The following GBF1 variants were observed in gnomAD, a reference collection of about 807,000 sequenced individuals.
GBF1 encodes golgi brefeldin A resistant guanine nucleotide exchange factor 1.
In GBF1, 114 loss-of-function variants were observed where a neutral mutation model predicts 210.5. The observed-to-expected ratio is 0.54, with a 90% CI of 0.47 to 0.63. The LOEUF is 0.63. GBF1 is among the 30% of genes least tolerant of loss of function. GBF1 has a pLI of 0.00. For missense variants in GBF1, 1,851 were observed against 2,357.7 expected (o/e 0.79, Z 4.45); for synonymous variants, 850 against 889.2 (o/e 0.96, Z 0.78).
chr10:102,287,890 C>G (rs2076094807), intron 3 of GBF1, among the ~76,000 whole-genome samples: 1 of 152,128 alleles, frequency 6.6e-6, no homozygotes, highest in African/African-American at 2.4e-5. Flanking sequence ...GCTGGCCTTG[C>G]AGGAAGTTAA....
chr10:102,342,005 G>T (rs547744259), intron 3 of GBF1, among the ~76,000 whole-genome samples: 84 of 151,362 alleles, frequency 5.5e-4, no homozygotes, highest in African/African-American at 2.0e-3. Context: ...TCCTAAAGCA[G>T]CAAGACTAGA....
chr10:102,299,135 T>C (rs2077134454), intron 3 of GBF1, among the ~76,000 whole-genome samples: 3 of 152,208 alleles, frequency 2.0e-5, no homozygotes. Flanking sequence ...ATGAGGCACT[T>C]ACCATAAAAT....
At chr10:102,280,462 T>C (rs1452946108) in intron 3 of GBF1, among the ~76,000 whole-genome samples, 5 of 152,186 alleles carry the variant, frequency 3.3e-5, no homozygotes, top group Non-Finnish European at 7.3e-5. Flanking sequence ...GATAGCCTGA[T>C]CCTAGTGGGT....
At chr10:102,336,870 GTA>G (rs2057782770) in intron 3 of GBF1, among the ~76,000 whole-genome samples, 1 of 152,070 alleles carries the variant, frequency 6.6e-6, no homozygotes, top group Non-Finnish European at 1.5e-5. Flanking sequence ...TTTTTGTAGG[GTA>G]TGGTTTAATC....
the GBF1 span, among the ~76,000 whole-genome samples, chr10:102,239,463 G>A: frequency 6.6e-6 from 1 of 152,198 alleles, no homozygotes; most frequent in Non-Finnish European, 1.5e-5. Context: ...ACAAGCCCCT[G>A]AAAAGTGTAT....
At chr10:102,331,919 G>A (rs1349256570) in intron 3 of GBF1, among the ~76,000 whole-genome samples, 1 of 148,082 alleles carries the variant, frequency 6.8e-6, no homozygotes, top group Non-Finnish European at 1.5e-5. Flanking sequence ...GAGTGCAGTG[G>A]CGCAGTCTTG....
intron 1 of GBF1, among the ~76,000 whole-genome samples, chr10:102,252,846 CAA>C (rs1294805695): frequency 7.4e-5 from 10 of 135,294 alleles, no homozygotes; most frequent in Admixed American, 1.5e-4. Flanking sequence ...GACCCTGTTT[CAA>C]AAAAAAAAAA....
chr10:102,345,991 T>C (rs1445740599), intron 4 of GBF1, among the ~76,000 whole-genome samples: 4 of 152,176 alleles, frequency 2.6e-5, no homozygotes, highest in Non-Finnish European at 5.9e-5. Context: ...ATAACACAAT[T>C]CATGTGCTCA....
At chr10:102,274,689 C>G (rs1341526530) in intron 3 of GBF1, among the ~76,000 whole-genome samples, 1 of 129,306 alleles carries the variant, frequency 7.7e-6, no homozygotes, top group Non-Finnish European at 1.6e-5. Context: ...TCTACAGGTG[C>G]AAAACAAAGA....
At chr10:102,332,767 C>T (rs1236168829) in intron 3 of GBF1, among the ~76,000 whole-genome samples, 2 of 152,100 alleles carry the variant, frequency 1.3e-5, no homozygotes, top group Non-Finnish European at 2.9e-5. Context: ...CTGATTTTTA[C>T]CTTGATGCAG....
rs191866528 is a variant in GBF1, at chr10:102,285,474, A to G, written c.163+25358A>G. Among the ~76,000 whole-genome samples, 32 of 152,336 alleles carry G rather than the reference A, an allele frequency of 2.1e-4. No individual in the cohort carries two copies. In the East Asian group the frequency reaches 3.7e-3, roughly 17 times the overall value. ...CTACTTACAATGATACTATGTACAG[A>G]TATTAAAACTCTAATGTTCCCATCT... On this transcript the variant is annotated intron_variant, in intron 3 of 39. Transcript: ENST00000369983.
chr10:102,379,508 C>A lies in GBF1; in HGVS notation c.4646-13C>A. 1 of 1,614,146 alleles carries A rather than the reference C, an allele frequency of 6.2e-7. No homozygotes were observed. The highest frequency in any genetic ancestry group is 2.2e-5 in the East Asian group (1 of 44,884). ...AGATGCCTGAAGGATCCTGACCCTG[C>A]TCTTGCTCTCAGGTATTGCCTGCCT... On this transcript the variant is annotated splice_polypyrimidine_tract_variant and intron_variant, in intron 34 of 39. Coordinates refer to ENST00000369983, the MANE Select transcript of GBF1 (RefSeq NM_001377137.1).
At chr10:102,276,243 A>C (rs1257784484) in intron 3 of GBF1, among the ~76,000 whole-genome samples, 4 of 136,432 alleles carry the variant, frequency 2.9e-5, no homozygotes, top group African/African-American at 8.4e-5. Context: ...TCTCCAAAAA[A>C]AGGCCTGGCG....
rs745585494 is a variant in GBF1, at chr10:102,366,962, A to G, written c.2434-123A>G. On this transcript the variant is annotated intron_variant, in intron 19 of 39. Transcript: ENST00000369983. This position sits in a 1 kb window ranked among gnomAD's most constrained non-coding sequence, Gnocchi z 4.0. ...GATCAGCTTCTGTTAAGGAGTTGGC[A>G]AGAGACTGGCCACTTTCTGGATGGT... 1.0e-5 allele frequency: 11 copies of G among 1,056,628 alleles called. No homozygotes were observed. The highest frequency in any genetic ancestry group is 1.5e-5 in the Non-Finnish European group (11 of 714,422). 65.5% of individuals were successfully genotyped at this position (1,056,628 alleles called of 1,614,324 possible).
rs574898732 is a variant in GBF1 at position 102,305,838 on chromosome 10, C to T, written c.164-38213C>T. Among the ~76,000 whole-genome samples, 8 of 152,274 alleles carry T rather than the reference C, an allele frequency of 5.3e-5. No individual in the cohort carries two copies. In the South Asian group the frequency reaches 1.5e-3, roughly 28 times the overall value. ...TTTGTATGCCAGACACTTGTGGGTG[C>T]TTTGTGTAATACAAACATGATCACT... On this transcript the variant is annotated intron_variant, in intron 3 of 39. Transcript: ENST00000369983.
chr10:102,287,344 C>CTTTTTTTTTTTTTTTTTTTTT (rs763880492), intron 3 of GBF1, among the ~76,000 whole-genome samples: 13 of 69,520 alleles, frequency 1.9e-4, no homozygotes, highest in Admixed American at 5.4e-4. Flanking sequence ...ATTTTATTTT[C>CTTTTTTTTTTTTTTTTTTTTT]TTTTTTTTTT....
chr10:102,336,352 A>T (rs918718319), intron 3 of GBF1, among the ~76,000 whole-genome samples: 2 of 151,650 alleles, frequency 1.3e-5, no homozygotes, highest in African/African-American at 4.8e-5. Context: ...GGTATACAAT[A>T]TAGAGAACAC....
Position 102,336,315 on chromosome 10 carries a change from GA to G in GBF1, c.164-7724del, listed in dbSNP as rs971079350. Reference sequence around the variant, plus strand: ...ACTTTGTCTCAAAAAAAAAAAAAAAGAAAAAAAAAAAAGAAAGAAATGAACT... The same window carrying G: ...ACTTTGTCTCAAAAAAAAAAAAAAAGAAAAAAAAAAAGAAAGAAATGAACT... On this transcript the variant is annotated intron_variant, in intron 3 of 39. Transcript: ENST00000369983. Among the ~76,000 whole-genome samples, 309 of 118,308 alleles carry G rather than the reference GA, an allele frequency of 2.6e-3. 1 individual carries two copies. Among genetic ancestry groups the G allele is most frequent in the African/African-American group, 7.8e-3 (233 of 29,762 alleles). The allele number at this position is 118,308 out of a possible 152,430, so 77.6% of individuals were successfully genotyped here.
chr10:102,366,989 C>A lies in GBF1; in HGVS notation c.2434-96C>A. 1 of 1,353,494 alleles carries A rather than the reference C, an allele frequency of 7.4e-7. No homozygotes were observed. The highest frequency in any genetic ancestry group is 1.3e-5 in the South Asian group (1 of 75,720). 83.8% of individuals were successfully genotyped at this position (1,353,494 alleles called of 1,614,324 possible). A position where few individuals can be genotyped will look rare whatever the true frequency, so the allele number is the denominator to read the frequency against. ...GAGACTGGCCACTTTCTGGATGGTA[C>A]CTCTCCTCTGTACTAGCACTGACCA... On this transcript the variant is annotated intron_variant, in intron 19 of 39. Coordinates refer to ENST00000369983, the MANE Select transcript of GBF1 (RefSeq NM_001377137.1). This position sits in a 1 kb window ranked among gnomAD's most constrained non-coding sequence, Gnocchi z 4.0.
Sources: allele counts gnomAD v4.1 joint callset (sites outside exome capture counted in the v4.1 genomes callset), GRCh38; gene constraint gnomAD v4.1.1; non-coding constraint Gnocchi (gnomAD v3.1); transcripts MANE v1.5; gene names NCBI Gene and HGNC (gene_info 2026-07-23, HGNC 2026-07-21).